SGCD: variants seen among roughly 807,000 people sequenced by gnomAD.
SGCD encodes the protein sarcoglycan delta.
In SGCD, 18 loss-of-function variants were observed where a neutral mutation model predicts 36.6. That is an observed-to-expected ratio of 0.49 (90% CI 0.34 to 0.73). The LOEUF (loss-of-function observed/expected upper bound fraction) is 0.73. Among genes scored for constraint, SGCD ranks in the 30% least tolerant of loss-of-function variants. The pLI is 0.01. For synonymous variants in SGCD, 133 were observed against 130.6 expected (o/e 1.02, Z -0.12); for missense variants, 387 against 346.7 (o/e 1.12, Z -0.92).
At chr5:155,905,673 G>C (rs1287048196) in intron 1 of SGCD, among the ~76,000 whole-genome samples, 1 of 152,164 alleles carries the variant, frequency 6.6e-6, no homozygotes, top group Non-Finnish European at 1.5e-5. Flanking sequence ...TGTTGTGGGA[G>C]GGACCCAGGG....
At chr5:155,902,539 C>T (rs1487997794) in intron 1 of SGCD, among the ~76,000 whole-genome samples, 1 of 152,124 alleles carries the variant, frequency 6.6e-6, no homozygotes, top group African/African-American at 2.4e-5. Context: ...GATGTGATAA[C>T]ATTAAAATAT....
chr5:155,807,732 G>A, the SGCD span, among the ~76,000 whole-genome samples: 2 of 152,168 alleles, frequency 1.3e-5, no homozygotes, highest in African/African-American at 4.8e-5. Flanking sequence ...ATTCTTGTGG[G>A]GAACTGTTGC....
intron 4 of SGCD, among the ~76,000 whole-genome samples, chr5:156,534,251 C>T (rs1020130625): frequency 7.9e-5 from 12 of 151,696 alleles, no homozygotes; most frequent in African/African-American, 2.2e-4. Flanking sequence ...CTGCCAGACA[C>T]GCCCCCACAT....
At position 155,966,935 on chromosome 5, in the gene SGCD, A is replaced by ATGTGTG. The variant is rs145801010; in HGVS notation, c.-282+96529_-282+96534dup. Among the ~76,000 whole-genome samples, 283 of 148,292 alleles carry ATGTGTG rather than the reference A, an allele frequency of 1.9e-3. 1 individual carries two copies. The highest frequency in any genetic ancestry group is 6.6e-3 in the African/African-American group (269 of 40,604). On this transcript the variant is annotated intron_variant, in intron 1 of 9. Transcript: ENST00000517913. ...TTTACAAAGGCCAATATAGGTTTTCATGTGTGTGTGTGTGTGTGTGTGTAT... is the reference window on the plus strand; with the variant it reads ...TTTACAAAGGCCAATATAGGTTTTCATGTGTGTGTGTGTGTGTGTGTGTGTGTGTAT...
the SGCD span, among the ~76,000 whole-genome samples, chr5:155,728,554 G>A: frequency 2.6e-5 from 4 of 152,216 alleles, no homozygotes; most frequent in Non-Finnish European, 5.9e-5. Context: ...TGCTCCAGCC[G>A]CTACTGGGGG....
At chr5:156,598,037 C>G (rs1260173868) in intron 6 of SGCD, among the ~76,000 whole-genome samples, 3 of 152,266 alleles carry the variant, frequency 2.0e-5, no homozygotes, top group Middle Eastern at 3.4e-3. Context: ...GAACATTGCC[C>G]AAGATCAAGT....
At chr5:155,756,605 A>C in the SGCD span, among the ~76,000 whole-genome samples, 2 of 152,224 alleles carry the variant, frequency 1.3e-5, no homozygotes, top group Non-Finnish European at 2.9e-5. Context: ...AGTCCCTAGC[A>C]CATAGTGAAC....
intron 3 of SGCD, among the ~76,000 whole-genome samples, chr5:156,444,116 C>T (rs1217556785): frequency 0.1 from 8,253 of 82,044 alleles, 1,252 homozygotes; most frequent in African/African-American, 0.29. Context: ...CTCTCTCTCT[C>T]CCCTTCCCTC....
At chr5:156,272,237 G>T (rs1279014348) in intron 3 of SGCD, among the ~76,000 whole-genome samples, 1 of 152,116 alleles carries the variant, frequency 6.6e-6, no homozygotes, top group East Asian at 1.9e-4. Context: ...CATCCTCATA[G>T]CTTAGCTCCC....
Position 156,552,849 on chromosome 5 carries a change from C to T in SGCD, c.295-36382C>T, listed in dbSNP as rs144442323. Among the ~76,000 whole-genome samples the T allele has an allele frequency of 4.5e-3, 688 of 152,258 alleles. 4 individuals carry two copies. The highest frequency in any genetic ancestry group is 0.014 in the African/African-American group (573 of 41,562). The stretch of plus-strand genomic sequence containing the variant: ...ATACCTTTTCATCCATTGCTTTAAA[C>T]CCGTCCCAAATCTAACTTCATCTTT... On this transcript the variant is annotated intron_variant, in intron 4 of 8. Coordinates refer to ENST00000337851, the MANE Select transcript of SGCD (RefSeq NM_000337.6).
chr5:155,942,644 T>C (rs1757351796), intron 1 of SGCD, among the ~76,000 whole-genome samples: 1 of 152,160 alleles, frequency 6.6e-6, no homozygotes, highest in Non-Finnish European at 1.5e-5. Context: ...GGAGTTTCAA[T>C]AAAGTCAAGT....
intron 3 of SGCD, among the ~76,000 whole-genome samples, chr5:156,254,987 A>T (rs2127662648): frequency 6.6e-6 from 1 of 152,298 alleles, no homozygotes. Flanking sequence ...ACATAATACC[A>T]CAAGTGGAAA....
intron 3 of SGCD, among the ~76,000 whole-genome samples, chr5:156,500,732 T>G (rs991789347): frequency 6.6e-6 from 1 of 152,206 alleles, no homozygotes; most frequent in African/African-American, 2.4e-5. Flanking sequence ...CTGGGTGTTT[T>G]TCATCAGTCT....
the SGCD span, among the ~76,000 whole-genome samples, chr5:155,784,318 G>A: frequency 6.6e-6 from 1 of 152,152 alleles, no homozygotes; most frequent in Non-Finnish European, 1.5e-5. Flanking sequence ...AAAAACATAG[G>A]GGGCAGAATT....
intron 1 of SGCD, among the ~76,000 whole-genome samples, chr5:155,930,767 AT>A (rs1757083633): frequency 6.6e-6 from 1 of 152,184 alleles, no homozygotes; most frequent in Non-Finnish European, 1.5e-5. Flanking sequence ...CAATTAAAAT[AT>A]TTTGCAATTA....
chr5:155,860,062 G>T, the SGCD span, among the ~76,000 whole-genome samples: 1 of 152,144 alleles, frequency 6.6e-6, no homozygotes, highest in Non-Finnish European at 1.5e-5. Flanking sequence ...CTTTGGAGAG[G>T]AAAATGTGGA....
chr5:155,963,006 C>G (rs1757822753), intron 1 of SGCD, among the ~76,000 whole-genome samples: 1 of 152,068 alleles, frequency 6.6e-6, no homozygotes. Context: ...CAAAGCAGGT[C>G]TCCGTTTGAT....
intron 1 of SGCD, among the ~76,000 whole-genome samples, chr5:155,994,971 C>T (rs556086659): frequency 4.1e-4 from 63 of 152,272 alleles, no homozygotes; most frequent in African/African-American, 5.8e-4. Flanking sequence ...AGGGATAGAA[C>T]GTGGATTTGA....
the SGCD span, among the ~76,000 whole-genome samples, chr5:155,807,275 T>C: frequency 6.6e-6 from 1 of 152,250 alleles, no homozygotes; most frequent in Non-Finnish European, 1.5e-5. Context: ...AGGTACTGTC[T>C]GTAATAGCAC....
Sources: allele counts gnomAD v4.1 joint callset (sites outside exome capture counted in the v4.1 genomes callset), GRCh38; gene constraint gnomAD v4.1.1; transcripts MANE v1.5; gene names NCBI Gene and HGNC (gene_info 2026-07-23, HGNC 2026-07-21).